The following CCDC158 variants were observed in gnomAD, a reference collection of about 807,000 sequenced individuals.
CCDC158 encodes coiled-coil domain-containing protein 158.
CCDC158 carries 116 observed loss-of-function variants against 138.6 expected under a neutral mutation model. The observed-to-expected ratio is 0.84, with a 90% CI of 0.72 to 0.98. The LOEUF (loss-of-function observed/expected upper bound fraction) is 0.98. CCDC158 is among the 50% of genes least tolerant of loss of function. The pLI is 0.00. For synonymous variants in CCDC158, 436 were observed against 442.4 expected, an observed-to-expected ratio of 0.99 and a Z score of 0.18; for missense variants, 1,265 against 1,306.1, an observed-to-expected ratio of 0.97 and a Z score of 0.48.
chr4:76,332,358 A>G (rs1229744284), intron 20 of CCDC158, 74 bp downstream of exon 20: 3 of 1,264,566 alleles, frequency 2.4e-6, no homozygotes, highest in Non-Finnish European at 3.4e-6. Flanking sequence ...GTCCAAACAG[A>G]CTTCTCAAAT....
At chr4:76,392,164 A>G (rs760076808) in intron 4 of CCDC158, among the ~76,000 whole-genome samples, 20 of 152,050 alleles carry the variant, frequency 1.3e-4, no homozygotes, top group Non-Finnish European at 2.4e-4. Flanking sequence ...ACAAAGACAC[A>G]TCAAAAAAAG....
intron 4 of CCDC158, among the ~76,000 whole-genome samples, chr4:76,386,060 T>G (rs1726757506): frequency 6.6e-6 from 1 of 152,220 alleles, no homozygotes; most frequent in Non-Finnish European, 1.5e-5. Context: ...CAAAGATGCA[T>G]AAAATATATC....
At chr4:76,330,408 T>C (rs1431973382) in intron 21 of CCDC158, among the ~76,000 whole-genome samples, 1 of 152,196 alleles carries the variant, frequency 6.6e-6, no homozygotes, top group African/African-American at 2.4e-5. Context: ...AATAAAAATA[T>C]AAGAATAAAA....
chr4:76,384,073 A>T lies in CCDC158; in HGVS notation c.726+15T>A. On this transcript the variant is annotated intron_variant, in intron 6 of 24. Coordinates refer to ENST00000682701, the MANE Select transcript of CCDC158 (RefSeq NM_001394954.1). Reference sequence around the variant, plus strand: ...TTTAATATAAAATTATTTAAGTAGCATTCTCACCACTTACTGGAAATATCC... The same window carrying T: ...TTTAATATAAAATTATTTAAGTAGCTTTCTCACCACTTACTGGAAATATCC... 1 of 1,509,582 alleles carries T rather than the reference A, an allele frequency of 6.6e-7. No individual in the cohort carries two copies. The highest frequency in any genetic ancestry group is 2.3e-5 in the East Asian group (1 of 44,050). The allele number at this position is 1,509,582 out of a possible 1,614,324, so 93.5% of individuals were successfully genotyped here.
chr4:76,368,164 T>C (rs977781609), intron 11 of CCDC158, among the ~76,000 whole-genome samples: 1 of 152,188 alleles, frequency 6.6e-6, no homozygotes, highest in Non-Finnish European at 1.5e-5. Context: ...CACAACGGTG[T>C]TCTAGAGTGC....
At chr4:76,314,434 A>G (rs897503343) in intron 24 of CCDC158, among the ~76,000 whole-genome samples, 2 of 152,234 alleles carry the variant, frequency 1.3e-5, no homozygotes, top group Non-Finnish European at 2.9e-5. Context: ...GGAGACTCAC[A>G]CTGTTGACTT....
chr4:76,350,638 A>T (rs1402599666), intron 18 of CCDC158, among the ~76,000 whole-genome samples: 1 of 152,228 alleles, frequency 6.6e-6, no homozygotes, highest in African/African-American at 2.4e-5. Context: ...ATAAGTTAAC[A>T]AAGAAACCAC....
intron 4 of CCDC158, among the ~76,000 whole-genome samples, chr4:76,387,778 G>A (rs910758759): frequency 1.0e-4 from 15 of 147,144 alleles, no homozygotes; most frequent in African/African-American, 3.3e-4. Context: ...AGCTGAGATC[G>A]CACCACTGCA....
chr4:76,377,235 T>A (rs1320130679), intron 9 of CCDC158, among the ~76,000 whole-genome samples: 1 of 152,200 alleles, frequency 6.6e-6, no homozygotes, highest in Non-Finnish European at 1.5e-5. Flanking sequence ...AACAGTATAA[T>A]GGAAAGCTAT....
intron 16 of CCDC158, 66 bp downstream of exon 16, chr4:76,353,057 G>T: frequency 2.2e-6 from 3 of 1,377,936 alleles, no homozygotes; most frequent in South Asian, 2.6e-5. Flanking sequence ...CTTTTGTTCA[G>T]AACAATTCTA....
intron 20 of CCDC158, among the ~76,000 whole-genome samples, chr4:76,332,010 A>G (rs1721055220): frequency 2.0e-5 from 3 of 152,144 alleles, no homozygotes; most frequent in Admixed American, 2.0e-4. Flanking sequence ...TCATTTAAGA[A>G]TTCAGCTATT....
At chr4:76,398,769 G>T (rs562059884) in intron 3 of CCDC158, among the ~76,000 whole-genome samples, 1 of 151,970 alleles carries the variant, frequency 6.6e-6, no homozygotes, top group South Asian at 2.1e-4. Context: ...TTCTAGAATG[G>T]GGACATTCTA....
intron 2 of CCDC158, among the ~76,000 whole-genome samples, chr4:76,403,770 T>C (rs1326641263): frequency 6.6e-6 from 1 of 152,130 alleles, no homozygotes; most frequent in Non-Finnish European, 1.5e-5. Context: ...AACCAGGCAC[T>C]CCACACCCCT....
chr4:76,397,268 G>T (rs1727907127), intron 3 of CCDC158, among the ~76,000 whole-genome samples: 1 of 152,036 alleles, frequency 6.6e-6, no homozygotes, highest in Non-Finnish European at 1.5e-5. Flanking sequence ...AGTTATCTAT[G>T]GGGTATAGGG....
intron 2 of CCDC158, among the ~76,000 whole-genome samples, chr4:76,406,868 T>C (rs944675744): frequency 1.3e-5 from 2 of 151,782 alleles, no homozygotes; most frequent in African/African-American, 4.8e-5. Context: ...CCTACATCAA[T>C]AAAAATGAAA....
chr4:76,347,522 A>T (rs987650574), intron 18 of CCDC158, among the ~76,000 whole-genome samples: 1 of 152,266 alleles, frequency 6.6e-6, no homozygotes, highest in East Asian at 1.9e-4. Flanking sequence ...ACACATGGAC[A>T]CAGGGAGGGG....
chr4:76,391,561 G>T (rs555166871), intron 4 of CCDC158, among the ~76,000 whole-genome samples: 4 of 151,724 alleles, frequency 2.6e-5, no homozygotes, highest in Non-Finnish European at 5.9e-5. Context: ...GCTATTAAGT[G>T]CCTACTTCAA....
chr4:76,378,388 G>A (rs966537778), intron 9 of CCDC158, among the ~76,000 whole-genome samples: 10 of 152,152 alleles, frequency 6.6e-5, no homozygotes, highest in African/African-American at 2.4e-4. Context: ...AAATAGCTAA[G>A]GTGTGAGAAA....
intron 16 of CCDC158, chr4:76,352,569 G>T (rs985414520): frequency 1.3e-5 from 2 of 152,110 alleles, no homozygotes; most frequent in African/African-American, 4.8e-5. Flanking sequence ...GGATGGTTTT[G>T]GTACAATTTT....
Sources: gnomAD v4.1 joint callset for allele counts (sites outside exome capture counted in the v4.1 genomes callset) on GRCh38, gnomAD v4.1.1 for gene constraint, MANE v1.5 for transcripts, NCBI Gene and HGNC (gene_info 2026-07-23, HGNC 2026-07-21) for gene names.